The following ABCC8 variants were observed in gnomAD, a reference collection of about 807,000 sequenced individuals.
The protein encoded by ABCC8 is ATP-binding cassette sub-family C member 8.
A neutral mutation model predicts 188.0 loss-of-function variants in ABCC8; 137 were observed. The ratio of observed to expected loss-of-function variants is 0.73; its 90% CI spans 0.63 to 0.84. The LOEUF is 0.84. Among genes scored for constraint, ABCC8 ranks in the 40% least tolerant of loss-of-function variants. ABCC8 has a pLI of 0.00. For missense variants in ABCC8, 1,750 were observed against 2,072.7 expected, an observed-to-expected ratio of 0.84 and a Z score of 3.02; for synonymous variants, 797 against 846.5, an observed-to-expected ratio of 0.94 and a Z score of 1.01.
intron 9 of ABCC8, 109 bp from the exon 10 acceptor site, chr11:17,442,991 CG>C (rs1956380971): frequency 5.1e-6 from 8 of 1,579,780 alleles, no homozygotes; most frequent in Non-Finnish European, 6.9e-6. Context: ...CTGTCCTCAC[CG>C]GGAGGCAGCC....
At chr11:17,435,983 T>C in intron 10 of ABCC8, 1 of 1,577,204 alleles carries the variant, frequency 6.3e-7, no homozygotes, top group Non-Finnish European at 8.7e-7. Flanking sequence ...CAGATGGACA[T>C]CGCCATGGGA....
chr11:17,392,860 T>G (rs1953697023), downstream of ABCC8: 1 of 1,145,888 alleles, frequency 8.7e-7, no homozygotes, highest in African/African-American at 1.5e-5. Flanking sequence ...CGCCAGCCCC[T>G]GCCCACCAGA....
intron 8 of ABCC8, among the ~76,000 whole-genome samples, chr11:17,446,978 C>T (rs182663153): frequency 2.6e-5 from 4 of 152,268 alleles, no homozygotes; most frequent in Admixed American, 2.0e-4. Flanking sequence ...CTGATATTTA[C>T]GAAGTGAAGA....
intron 2 of ABCC8, among the ~76,000 whole-genome samples, chr11:17,473,221 C>T (rs1361926887): frequency 1.3e-5 from 2 of 152,000 alleles, no homozygotes; most frequent in Non-Finnish European, 2.9e-5. Flanking sequence ...TGAGTATTTC[C>T]CATCTGAGGG....
chr11:17,433,181 A>G (rs992365039), intron 10 of ABCC8, among the ~76,000 whole-genome samples: 6 of 152,260 alleles, frequency 3.9e-5, no homozygotes, highest in African/African-American at 1.4e-4. Flanking sequence ...CTAAATTTCC[A>G]GAGAGAGCAG....
chr11:17,460,830 C>G (rs546614620), intron 5 of ABCC8, 154 bp from the exon 6 acceptor site: 2 of 1,467,028 alleles, frequency 1.4e-6, no homozygotes, highest in African/African-American at 2.8e-5. Flanking sequence ...ATCATGGAAT[C>G]AGCAAGTGCA....
rs955551006 is a variant in ABCC8 at position 17,402,559 on chromosome 11, C to A, written c.3650+102G>T. On this transcript the variant is annotated intron_variant, in intron 29 of 38. Transcript: ENST00000389817. ...GAGGCAGCTTGAGAGAGAACGTGTC[C>A]TTGGCCTTCCCAAGTGGAGTCCTGA... The A allele has an allele frequency of 1.2e-5, 19 of 1,607,884 alleles. No individual in the cohort carries two copies. In the Admixed American group the frequency reaches 1.9e-4, roughly 16 times the overall value.
intron 10 of ABCC8, among the ~76,000 whole-genome samples, chr11:17,432,916 T>C (rs1248123766): frequency 6.6e-6 from 1 of 152,186 alleles, no homozygotes; most frequent in African/African-American, 2.4e-5. Flanking sequence ...ACTTATAAGC[T>C]GTGTAACCTA....
intron 22 of ABCC8, among the ~76,000 whole-genome samples, chr11:17,409,119 ATTTTTTTT>A (rs34715760): frequency 7.1e-6 from 1 of 141,360 alleles, no homozygotes; most frequent in African/African-American, 2.6e-5. Flanking sequence ...TACCTGGCTA[ATTTTTTTT>A]TTTTTTTTTA....
chr11:17,430,037 G>C (rs1319983715), intron 12 of ABCC8: 1 of 152,658 alleles, frequency 6.6e-6, no homozygotes, highest in Non-Finnish European at 1.5e-5. Context: ...TGAAGACACA[G>C]AGGACATTTG....
At chr11:17,449,672 A>G (rs1177092948) in intron 7 of ABCC8, among the ~76,000 whole-genome samples, 1 of 152,262 alleles carries the variant, frequency 6.6e-6, no homozygotes, top group African/African-American at 2.4e-5. Context: ...AAATGTCCTC[A>G]GGATGCCTGC....
rs747129513 is a variant in ABCC8, at chr11:17,463,464, C to A, written c.553G>T (p.Val185Leu). ...CTCACCCTGATGACATTGACCTCCA[C>A]GAGGAGCAGCATCCCATAGAGGATC... ...LVILYGMLLL[V>L]EVNVIRVRRY... The change falls in exon 4 of 39, where the codon GTG (valine) becomes TTG (leucine). Residue 185 changes from valine (V) to leucine (L), a missense_variant. Transcript: ENST00000389817. 6.2e-7 allele frequency: 1 copy of A among 1,605,930 alleles called. No individual in the cohort carries two copies. The highest frequency in any genetic ancestry group is 8.5e-7 in the Non-Finnish European group (1 of 1,176,446).
In ABCC8 at chr11:17,449,352, C is replaced by T. The variant is rs117663461; in HGVS notation, c.1177-681G>A. 7.9e-4 allele frequency among the ~76,000 whole-genome samples: 120 copies of T among 152,304 alleles called. 2 individuals are homozygous for T. In the East Asian group the frequency reaches 0.021, roughly 26 times the overall value. ...GGGCAGGCCATCTGTTTTAAAGTGG[C>T]CTTCTCCAGCCTAGGGAGGGGATCT... On this transcript the variant is annotated intron_variant, in intron 7 of 38. Transcript: ENST00000389817.
At position 17,395,254 on chromosome 11, in the gene ABCC8, C is replaced by G; in HGVS notation, c.4329G>C (p.Arg1443Ser). 6.3e-7 allele frequency: 1 copy of G among 1,595,980 alleles called. No individual in the cohort carries two copies. Among genetic ancestry groups the G allele is most frequent in the South Asian group, 1.1e-5 (1 of 88,050 alleles). The stretch of plus-strand genomic sequence containing the variant: ...CCCACAGTGTGCTATCTGAGCACTT[C>G]CTCTCAGGGTCCAGGTTAAATCTGG... ...GTIRFNLDPE[R>S]KCSDSTLWEA... Residue 1443 changes from arginine (R) to serine (S), a missense_variant, in exon 36 of 39, where the codon AGG becomes AGC. By Grantham distance (110) the Arg-to-Ser change is moderately radical. Transcript: ENST00000389817.
intron 24 of ABCC8, 41 bp from the exon 25 acceptor site, chr11:17,407,170 A>T (rs752805290): frequency 3.1e-6 from 5 of 1,601,080 alleles, no homozygotes; most frequent in Non-Finnish European, 4.3e-6. Context: ...ACACATTTCC[A>T]TCCCTCTGAG....
Position 17,412,702 on chromosome 11 carries a change from G to A in ABCC8, c.2520C>T (p.Ala840=). The A allele has an allele frequency of 6.2e-7, 1 of 1,612,206 alleles. No homozygotes were observed. The highest frequency in any genetic ancestry group is 8.5e-7 in the Non-Finnish European group (1 of 1,179,184). ...SGGQRQRISV[A]RALYQHANVV... ...CGTTGGCGTGCTGGTAGAGGGCTCG[G>A]GCCACACTGATTCGCTGGCGTTGAC... The change falls in exon 21 of 39, where the codon GCC becomes GCT. Residue 840 remains alanine, a synonymous_variant. Transcript: ENST00000389817.
chr11:17,410,104 C>T (rs920651419), intron 22 of ABCC8: 2 of 165,122 alleles, frequency 1.2e-5, no homozygotes, highest in African/African-American at 2.4e-5. Context: ...CCATATGATT[C>T]CCGGGGTGGT....
intron 5 of ABCC8, 111 bp from the exon 6 acceptor site, chr11:17,460,787 C>T: frequency 1.9e-6 from 3 of 1,545,484 alleles, no homozygotes; most frequent in East Asian, 2.4e-5. Context: ...CCAGTGGTCA[C>T]ATCCTCTGCA....
rs138642224 is a variant in ABCC8, at chr11:17,396,945, C to T, written c.4090G>A (p.Val1364Ile). Reference sequence around the variant, plus strand: ...TGTCCAGGGGCGATGAGGGCATTGACGTGCTTCAGCACCGGCTTCAGGGAG... The same window carrying T: ...TGTCCAGGGGCGATGAGGGCATTGATGTGCTTCAGCACCGGCTTCAGGGAG... ...DSSLKPVLKH[V>I]NALIAPGQKI... Residue 1364 changes from valine (V) to isoleucine (I), a missense_variant, in exon 33 of 39, where the codon GTC becomes ATC. Physicochemically the swap from Val to Ile is conservative, Grantham distance 29. Transcript: ENST00000389817. The T allele has an allele frequency of 1.0e-4, 161 of 1,614,194 alleles. No individual in the cohort carries two copies. The African/African-American group carries it at 1.6e-3, about 16-fold the overall frequency.
Sources: gnomAD v4.1 joint callset for allele counts (sites outside exome capture counted in the v4.1 genomes callset) on GRCh38, gnomAD v4.1.1 for gene constraint, MANE v1.5 for transcripts, NCBI Gene and HGNC (gene_info 2026-07-23, HGNC 2026-07-21) for gene names.